The following USP8 variants were observed in gnomAD, a reference collection of about 807,000 sequenced individuals.
USP8 encodes the protein ubiquitin carboxyl-terminal hydrolase 8.
In USP8, 27 loss-of-function variants were observed where a neutral mutation model predicts 130.0. That is an observed-to-expected ratio of 0.21 (90% CI 0.15 to 0.29). The LOEUF (loss-of-function observed/expected upper bound fraction) is 0.29. USP8 is among the 10% of genes least tolerant of loss of function. USP8 has a pLI of 1.00. For missense variants in USP8, 1,029 were observed against 1,312.2 expected, an observed-to-expected ratio of 0.78 and a Z score of 3.33; for synonymous variants, 392 against 444.1, an observed-to-expected ratio of 0.88 and a Z score of 1.48.
chr15:50,475,039 G>A (rs1298198008), intron 8 of USP8, among the ~76,000 whole-genome samples: 1 of 152,152 alleles, frequency 6.6e-6, no homozygotes, highest in Admixed American at 6.5e-5. Flanking sequence ...AACCCAGTGG[G>A]CAGAGGTTGC....
chr15:50,430,174 A>G (rs1042918033), intron 1 of USP8, among the ~76,000 whole-genome samples: 2 of 152,058 alleles, frequency 1.3e-5, no homozygotes, highest in African/African-American at 2.4e-5. Context: ...GTAGGTATCT[A>G]TTGTTTACCT....
At chr15:50,474,924 C>T (rs779575149) in intron 8 of USP8, among the ~76,000 whole-genome samples, 4 of 152,082 alleles carry the variant, frequency 2.6e-5, no homozygotes, top group Non-Finnish European at 5.9e-5. Flanking sequence ...GCCTGGCCAA[C>T]ATGGCGAAAC....
rs537681794 is a variant in USP8, at chr15:50,499,817, T to C, written c.*729T>C. On this transcript the variant is annotated 3_prime_UTR_variant, in exon 20 of 20. Transcript: ENST00000307179. ...GTGTTCTGTCTTTAATATTGTATTATCAAATATAGGACAGTAAAACCATAG... is the reference window on the plus strand; with the variant it reads ...GTGTTCTGTCTTTAATATTGTATTACCAAATATAGGACAGTAAAACCATAG... 1 of 152,142 alleles carries C rather than the reference T, an allele frequency of 6.6e-6. No individual in the cohort carries two copies. Among genetic ancestry groups the C allele is most frequent in the South Asian group, 2.1e-4 (1 of 4,834 alleles). The allele number at this position is 152,142 out of a possible 1,614,324, so 9.4% of individuals were successfully genotyped here.
chr15:50,484,185 C>T, intron 11 of USP8, 90 bp from the exon 12 acceptor site: 2 of 926,600 alleles, frequency 2.2e-6, no homozygotes, highest in South Asian at 2.1e-5. Flanking sequence ...CATTTTCATT[C>T]TCATAGATTC....
chr15:50,497,617 A>G (rs565162264), intron 18 of USP8: 2 of 153,382 alleles, frequency 1.3e-5, no homozygotes, highest in African/African-American at 2.4e-5. Context: ...AAGTATTTTA[A>G]TGATAAAATA....
At chr15:50,447,398 G>A (rs993732944) in intron 3 of USP8, among the ~76,000 whole-genome samples, 1 of 151,992 alleles carries the variant, frequency 6.6e-6, no homozygotes, top group Non-Finnish European at 1.5e-5. Context: ...GTGCCTCCAC[G>A]CCTGGCTAAT....
At chr15:50,477,074 G>A (rs918590910) in intron 9 of USP8, 81 bp downstream of exon 9, 18 of 1,546,500 alleles carry the variant, frequency 1.2e-5, no homozygotes, top group Non-Finnish European at 1.6e-5. Flanking sequence ...ATTCTTGGTT[G>A]TGTGTGTATT....
At position 50,430,482 on chromosome 15, in the gene USP8, C is replaced by G. The variant is rs143674146; in HGVS notation, c.-66+5968C>G. On this transcript the variant is annotated intron_variant, in intron 1 of 19. Transcript: ENST00000307179. ...GCAATGGTGTAATCATGGTTCATTG[C>G]AAGCTCAACCTCCCAGGCTCAAGGA... Among the ~76,000 whole-genome samples, 454 of 152,240 alleles carry G rather than the reference C, an allele frequency of 3.0e-3. 7 individuals are homozygous for G. The highest frequency in any genetic ancestry group is 0.01 in the African/African-American group (428 of 41,522).
At position 50,471,762 on chromosome 15, in the gene USP8, A is replaced by G; in HGVS notation, c.816A>G (p.Thr272=). ...CTGCCAAAGATTTACAGATTGGAAC[A>G]ACTCTCCGGAGTCTGAAAGATGCAC... is the stretch of plus-strand genomic sequence containing the variant. ...FSSAKDLQIG[T]TLRSLKDALF... is the part of the protein sequence containing the mutation. The change falls in exon 8 of 20, where the codon ACA becomes ACG. Residue 272 remains threonine, a synonymous_variant. Transcript: ENST00000307179. The G allele has an allele frequency of 6.2e-7, 1 of 1,614,080 alleles. No individual in the cohort carries two copies. Among genetic ancestry groups the G allele is most frequent in the Admixed American group, 1.7e-5 (1 of 60,004 alleles).
intron 12 of USP8, among the ~76,000 whole-genome samples, chr15:50,489,331 T>C (rs1306921244): frequency 6.6e-6 from 1 of 152,186 alleles, no homozygotes; most frequent in African/African-American, 2.4e-5. Context: ...ACGTCTATTC[T>C]CTACTTACAC....
At position 50,499,428 on chromosome 15, in the gene USP8, TC is replaced by T. The variant is rs2052534608; in HGVS notation, c.*341del. 1 of 171,918 alleles carries T rather than the reference TC, an allele frequency of 5.8e-6. No individual in the cohort carries two copies. The highest frequency in any genetic ancestry group is 1.2e-5 in the Non-Finnish European group (1 of 81,190). 10.6% of individuals were successfully genotyped at this position (171,918 alleles called of 1,614,324 possible). ...TTCACTGTTATGGCCTTTTCACATT[TC>T]TAAATCCCATCTTGATATACTATGA... On this transcript the variant is annotated 3_prime_UTR_variant, in exon 20 of 20. Transcript: ENST00000307179.
intron 14 of USP8, 124 bp downstream of exon 14, chr15:50,490,649 A>G: frequency 8.1e-7 from 1 of 1,231,766 alleles, no homozygotes; most frequent in Non-Finnish European, 1.1e-6. Flanking sequence ...ACCAGCCGTT[A>G]TTATTTACCA....
Position 50,493,969 on chromosome 15 carries a change from C to T in USP8, c.2448-101C>T, listed in dbSNP as rs528645091. The T allele has an allele frequency of 1.7e-5, 22 of 1,288,114 alleles. No individual in the cohort carries two copies. The African/African-American group carries it at 2.3e-4, about 14-fold the overall frequency. 79.8% of individuals were successfully genotyped at this position (1,288,114 alleles called of 1,614,324 possible). A position where few individuals can be genotyped will look rare whatever the true frequency, so the allele number is the denominator to read the frequency against. ...AAATAAGTAGTTTAATGTAGTGCTACAGTATGTGAATAATTTCATGTTGAC... is the reference window on the plus strand; with the variant it reads ...AAATAAGTAGTTTAATGTAGTGCTATAGTATGTGAATAATTTCATGTTGAC... On this transcript the variant is annotated intron_variant, in intron 15 of 19. Transcript: ENST00000307179.
chr15:50,449,366 C>G (rs759710436), intron 3 of USP8, 34 bp from the exon 4 acceptor site: 1 of 1,432,766 alleles, frequency 7.0e-7, no homozygotes, highest in Admixed American at 2.1e-5. Flanking sequence ...ATGCCGAGAA[C>G]TAACAATATG....
intron 10 of USP8, among the ~76,000 whole-genome samples, chr15:50,477,935 A>G (rs534855953): frequency 3.5e-4 from 54 of 152,256 alleles, no homozygotes; most frequent in African/African-American, 1.3e-3. Flanking sequence ...AACAGTCTGT[A>G]TGTTTTGATA....
intron 4 of USP8, among the ~76,000 whole-genome samples, chr15:50,449,760 T>G (rs2050559523): frequency 6.6e-6 from 1 of 151,238 alleles, no homozygotes; most frequent in South Asian, 2.1e-4. Context: ...TTTTTGTATT[T>G]TTAGTAGAGA....
At position 50,502,412 on chromosome 15, in the gene USP8, A is replaced by C. The variant is rs1191754215; in HGVS notation, c.*3324A>C. On this transcript the variant is annotated 3_prime_UTR_variant, in exon 20 of 20. Transcript: ENST00000307179. ...GAGACAGAGTCTTGCTCTGTTGCCC[A>C]GGCTGGAGTGCAGTGACGTGATCTC... 6.6e-6 allele frequency: 1 copy of C among 152,338 alleles called. No homozygotes were observed. Among genetic ancestry groups the C allele is most frequent in the Non-Finnish European group, 1.5e-5 (1 of 68,178 alleles). The allele number at this position is 152,338 out of a possible 1,614,324, so 9.4% of individuals were successfully genotyped here.
chr15:50,474,613 G>A (rs1047370115), intron 8 of USP8, among the ~76,000 whole-genome samples: 3 of 152,092 alleles, frequency 2.0e-5, no homozygotes, highest in African/African-American at 7.2e-5. Flanking sequence ...AAGAAAAGAT[G>A]GATTGAAATG....
At chr15:50,485,449 C>CAA (rs71424070) in intron 12 of USP8, among the ~76,000 whole-genome samples, 77 of 116,488 alleles carry the variant, frequency 6.6e-4, no homozygotes, top group Non-Finnish European at 9.1e-4. Flanking sequence ...GACTCCATTT[C>CAA]AAAAAAAAAA....
Sources: allele counts gnomAD v4.1 joint callset (sites outside exome capture counted in the v4.1 genomes callset), GRCh38; gene constraint gnomAD v4.1.1; transcripts MANE v1.5; gene names NCBI Gene and HGNC (gene_info 2026-07-23, HGNC 2026-07-21).